Variants in LDB2 observed in about 807,000 individuals in gnomAD.
LDB2 encodes LIM domain-binding protein 2.
A neutral mutation model predicts 44.3 loss-of-function variants in LDB2; 12 were observed. That is an observed-to-expected ratio of 0.27 (90% confidence interval 0.17 to 0.44). The LOEUF is 0.44. Ranked by LOEUF, LDB2 falls within the 20% of genes least tolerant of loss-of-function variation. The pLI is 1.00. For synonymous variants in LDB2, 164 were observed against 174.8 expected (o/e 0.94, Z 0.49); for missense variants, 344 against 473.5 (o/e 0.73, Z 2.54).
At chr4:16,707,855 T>C (rs1002337250) in intron 2 of LDB2, among the ~76,000 whole-genome samples, 1 of 152,196 alleles carries the variant, frequency 6.6e-6, no homozygotes, top group African/African-American at 2.4e-5. Context: ...TCACGAAAGA[T>C]GTTGTATCAT....
chr4:16,711,279 G>A (rs746623278), intron 2 of LDB2, among the ~76,000 whole-genome samples: 18 of 152,178 alleles, frequency 1.2e-4, no homozygotes, highest in Admixed American at 5.9e-4. Flanking sequence ...ATTATGGTTT[G>A]TTCAGCCTTA....
intron 1 of LDB2, among the ~76,000 whole-genome samples, chr4:16,834,654 C>T (rs1221641008): frequency 6.6e-6 from 1 of 152,164 alleles, no homozygotes; most frequent in Non-Finnish European, 1.5e-5. Context: ...TGCTGAAACC[C>T]TGTCTCTACT....
chr4:16,721,101 T>A (rs1055025412), intron 2 of LDB2, among the ~76,000 whole-genome samples: 4 of 152,162 alleles, frequency 2.6e-5, no homozygotes, highest in African/African-American at 9.7e-5. Context: ...TTAATCTCCA[T>A]CATATTTTTA....
intron 2 of LDB2, among the ~76,000 whole-genome samples, chr4:16,738,286 C>A (rs1203433876): frequency 1.3e-5 from 2 of 152,166 alleles, no homozygotes; most frequent in African/African-American, 2.4e-5. Context: ...TCCTCACCCA[C>A]CTCCCCAACA....
At chr4:16,681,696 A>G (rs1747952419) in intron 2 of LDB2, among the ~76,000 whole-genome samples, 1 of 124,916 alleles carries the variant, frequency 8.0e-6, no homozygotes, top group Admixed American at 1.1e-4. Flanking sequence ...ATGGGACTGC[A>G]CTGGGCTGGG....
At chr4:16,890,051 T>A (rs1722902290) in intron 1 of LDB2, among the ~76,000 whole-genome samples, 1 of 152,200 alleles carries the variant, frequency 6.6e-6, no homozygotes, top group South Asian at 2.1e-4. Context: ...TTAGCTGAGT[T>A]ATTACAAAGA....
intron 2 of LDB2, among the ~76,000 whole-genome samples, chr4:16,679,907 T>C (rs1747374755): frequency 6.6e-6 from 1 of 152,226 alleles, no homozygotes. Flanking sequence ...TGTCCCTTTC[T>C]GCTCAGAACA....
intron 2 of LDB2, among the ~76,000 whole-genome samples, chr4:16,612,765 CCGG>C (rs1560631556): frequency 6.6e-6 from 1 of 152,152 alleles, no homozygotes; most frequent in Non-Finnish European, 1.5e-5. Context: ...CTGAATTGTA[CCGG>C]AAATACAAAG....
intron 2 of LDB2, among the ~76,000 whole-genome samples, chr4:16,745,318 C>T (rs1473236836): frequency 2.6e-5 from 4 of 152,176 alleles, no homozygotes; most frequent in African/African-American, 9.6e-5. Context: ...GGCAGAGACC[C>T]AGAGCCCAGG....
At chr4:16,517,314 T>C (rs187558083) in intron 5 of LDB2, among the ~76,000 whole-genome samples, 9 of 150,754 alleles carry the variant, frequency 6.0e-5, no homozygotes, top group African/African-American at 9.8e-5. Context: ...TTACAAGATA[T>C]ATGCCTTTTC....
At chr4:16,643,008 C>T (rs575613467) in intron 2 of LDB2, among the ~76,000 whole-genome samples, 1 of 152,256 alleles carries the variant, frequency 6.6e-6, no homozygotes, top group East Asian at 1.9e-4. Context: ...CCTTAACCTC[C>T]ATGTATGATG....
chr4:16,618,309 T>C (rs1727917901), intron 2 of LDB2, among the ~76,000 whole-genome samples: 1 of 152,124 alleles, frequency 6.6e-6, no homozygotes, highest in African/African-American at 2.4e-5. Context: ...CAGATCAGAT[T>C]CAGAGACACT....
chr4:16,624,081 A>C (rs1189537253), intron 2 of LDB2, among the ~76,000 whole-genome samples: 1 of 152,186 alleles, frequency 6.6e-6, no homozygotes, highest in Non-Finnish European at 1.5e-5. Flanking sequence ...TATGTTAATA[A>C]AATTTTATTG....
At chr4:16,664,084 T>C (rs1742359432) in intron 2 of LDB2, among the ~76,000 whole-genome samples, 1 of 152,188 alleles carries the variant, frequency 6.6e-6, no homozygotes, top group Non-Finnish European at 1.5e-5. Context: ...TCTGAAGGTC[T>C]GTGTCCCCCA....
intron 2 of LDB2, among the ~76,000 whole-genome samples, chr4:16,630,670 C>T (rs868762687): frequency 1.2e-4 from 19 of 152,128 alleles, no homozygotes; most frequent in Non-Finnish European, 1.2e-4. Flanking sequence ...CGAGACCCAT[C>T]GGTGTGCTGT....
chr4:16,777,046 T>C (rs897070822), intron 1 of LDB2, among the ~76,000 whole-genome samples: 26 of 152,040 alleles, frequency 1.7e-4, no homozygotes, highest in African/African-American at 6.3e-4. Context: ...GCGGACAAAA[T>C]TGTCCCAGTT....
At chr4:16,733,763 G>A (rs1405640259) in intron 2 of LDB2, among the ~76,000 whole-genome samples, 4 of 152,164 alleles carry the variant, frequency 2.6e-5, no homozygotes, top group Non-Finnish European at 2.9e-5. Context: ...CTGATGTGAC[G>A]CCTTTCCCTG....
At position 16,504,523 on chromosome 4, in the gene LDB2, T is replaced by G. The variant is rs73798794; in HGVS notation, c.892-1650A>C. Among the ~76,000 whole-genome samples, 1,331 of 152,336 alleles carry G rather than the reference T, an allele frequency of 8.7e-3. 21 individuals carry two copies. The highest frequency in any genetic ancestry group is 0.03 in the African/African-American group (1,246 of 41,578). On this transcript the variant is annotated intron_variant, in intron 7 of 7. Transcript: ENST00000304523. ...CAATAAAAATGCCAGGGGATATTCA[T>G]CTCTGTGCTTCCAAGATTTATTTAT...
intron 1 of LDB2, among the ~76,000 whole-genome samples, chr4:16,858,117 C>T (rs1332609225): frequency 6.6e-6 from 1 of 152,102 alleles, no homozygotes; most frequent in African/African-American, 2.4e-5. Context: ...TCTTTGCCTG[C>T]GTTATCTCAC....
Sources: allele counts gnomAD v4.1 joint callset (sites outside exome capture counted in the v4.1 genomes callset), GRCh38; gene constraint gnomAD v4.1.1; transcripts MANE v1.5; gene names NCBI Gene and HGNC (gene_info 2026-07-23, HGNC 2026-07-21).